CDH8: variants seen among roughly 807,000 people sequenced by gnomAD.
CDH8 encodes the protein cadherin-8.
CDH8 carries 17 observed loss-of-function variants against 68.1 expected under a neutral mutation model. The observed-to-expected ratio is 0.25, with a 90% CI of 0.17 to 0.37. The LOEUF (loss-of-function observed/expected upper bound fraction) is 0.37. Among genes scored for constraint, CDH8 ranks in the 10% least tolerant of loss-of-function variants. The pLI, the probability that CDH8 is intolerant of heterozygous loss-of-function variation, is 1.00. For missense variants in CDH8, 763 were observed against 999.3 expected (o/e 0.76, Z 3.19); for synonymous variants, 372 against 365.1 (o/e 1.02, Z -0.21).
At chr16:61,764,049 A>C (rs769184774) in intron 8 of CDH8, among the ~76,000 whole-genome samples, 1 of 152,186 alleles carries the variant, frequency 6.6e-6, no homozygotes, top group Non-Finnish European at 1.5e-5. Context: ...TAATATGTCT[A>C]CTAAAATTAC....
At chr16:61,754,910 A>C (rs1051971530) in intron 8 of CDH8, among the ~76,000 whole-genome samples, 7 of 152,066 alleles carry the variant, frequency 4.6e-5, no homozygotes, top group Non-Finnish European at 1.0e-4. Flanking sequence ...GTTTTTCAGC[A>C]CTGGCCCCCT....
intron 2 of CDH8, among the ~76,000 whole-genome samples, chr16:61,960,345 AC>A (rs1965124723): frequency 1.2e-5 from 1 of 83,670 alleles, no homozygotes; most frequent in Non-Finnish European, 2.2e-5. Flanking sequence ...ACACATATAT[AC>A]ATGTGTGTGT....
At chr16:61,674,419 A>C (rs1596854133) in intron 10 of CDH8, among the ~76,000 whole-genome samples, 1 of 149,234 alleles carries the variant, frequency 6.7e-6, no homozygotes, top group African/African-American at 2.5e-5. Flanking sequence ...GTGCCACTGC[A>C]CTCCAGCCGA....
chr16:61,954,769 AC>A (rs1567543089), intron 2 of CDH8, among the ~76,000 whole-genome samples: 1 of 152,118 alleles, frequency 6.6e-6, no homozygotes, highest in Non-Finnish European at 1.5e-5. Context: ...AAACAAAAAT[AC>A]TTTTAAAAAC....
At chr16:61,966,542 A>G (rs990081031) in intron 2 of CDH8, among the ~76,000 whole-genome samples, 2 of 148,902 alleles carry the variant, frequency 1.3e-5, no homozygotes, top group African/African-American at 4.9e-5. Context: ...ATCTCAAAAT[A>G]AAAAAAAAAG....
chr16:61,736,148 G>A (rs1959678985), intron 8 of CDH8, among the ~76,000 whole-genome samples: 1 of 148,722 alleles, frequency 6.7e-6, no homozygotes. Context: ...AGGAAGGAAG[G>A]AAGGAAGGAA....
intron 4 of CDH8, among the ~76,000 whole-genome samples, chr16:61,828,567 CT>C (rs972720236): frequency 1.4e-4 from 21 of 151,776 alleles, no homozygotes; most frequent in African/African-American, 5.1e-4. Flanking sequence ...CCTGGTTCAT[CT>C]GTCAATTTTT....
chr16:61,953,549 A>G (rs1382279865), intron 2 of CDH8, among the ~76,000 whole-genome samples: 1 of 151,212 alleles, frequency 6.6e-6, no homozygotes, highest in Non-Finnish European at 1.5e-5. Flanking sequence ...TCTGAGTATG[A>G]GACCAATTTT....
At chr16:61,945,684 G>T (rs569589824) in intron 2 of CDH8, among the ~76,000 whole-genome samples, 1 of 152,114 alleles carries the variant, frequency 6.6e-6, no homozygotes, top group African/African-American at 2.4e-5. Flanking sequence ...ATCAGCAAAG[G>T]CTGAGGGATT....
intron 7 of CDH8, among the ~76,000 whole-genome samples, chr16:61,794,587 C>A (rs1390317628): frequency 6.6e-6 from 1 of 151,954 alleles, no homozygotes; most frequent in Admixed American, 6.6e-5. Context: ...GGTAGTTTTC[C>A]TTTCACTGTT....
At chr16:61,985,893 A>G (rs942597172) in intron 2 of CDH8, among the ~76,000 whole-genome samples, 1 of 143,056 alleles carries the variant, frequency 7.0e-6, no homozygotes, top group African/African-American at 2.6e-5. Flanking sequence ...CATACATAAT[A>G]TCTGTATTTC....
At chr16:61,810,680 G>T (rs1249869245) in intron 7 of CDH8, among the ~76,000 whole-genome samples, 1 of 152,074 alleles carries the variant, frequency 6.6e-6, no homozygotes, top group African/African-American at 2.4e-5. Context: ...TGACCTTAAA[G>T]CTCTACAGTT....
At chr16:61,696,569 A>G (rs1451802712) in intron 10 of CDH8, among the ~76,000 whole-genome samples, 1 of 152,184 alleles carries the variant, frequency 6.6e-6, no homozygotes, top group Non-Finnish European at 1.5e-5. Flanking sequence ...AAATAATTTA[A>G]AACAGAACTA....
intron 2 of CDH8, among the ~76,000 whole-genome samples, chr16:61,943,485 A>C (rs748122265): frequency 2.0e-5 from 3 of 152,348 alleles, no homozygotes; most frequent in Middle Eastern, 3.4e-3. Context: ...AGGTGTTTGC[A>C]GATCAATTTC....
intron 4 of CDH8, among the ~76,000 whole-genome samples, chr16:61,855,755 G>A (rs1339848807): frequency 6.6e-6 from 1 of 151,996 alleles, no homozygotes; most frequent in African/African-American, 2.4e-5. Flanking sequence ...CATTAGTATC[G>A]AAATAAAAAA....
chr16:62,006,944 G>C, intron 2 of CDH8, among the ~76,000 whole-genome samples: 1 of 145,968 alleles, frequency 6.9e-6, no homozygotes, highest in Non-Finnish European at 1.5e-5. Flanking sequence ...GTCTCACTCT[G>C]TCGCCCAGGC....
chr16:61,739,677 G>A (rs1292399018), intron 8 of CDH8, among the ~76,000 whole-genome samples: 1 of 146,732 alleles, frequency 6.8e-6, no homozygotes, highest in Non-Finnish European at 1.5e-5. Flanking sequence ...GAGTCCAAAC[G>A]AAATCATGCC....
chr16:61,972,571 G>GGGTGTGTGTGTGTGTGT lies in CDH8; in HGVS notation c.252+48580_252+48581insACACACACACACACACC, dbSNP rs369833002. 1.8e-3 allele frequency among the ~76,000 whole-genome samples: 242 copies of GGGTGTGTGTGTGTGTGT among 131,544 alleles called. 2 individuals are homozygous for GGGTGTGTGTGTGTGTGT. Among genetic ancestry groups the GGGTGTGTGTGTGTGTGT allele is most frequent in the African/African-American group, 5.8e-3 (210 of 36,198 alleles). The allele number at this position is 131,544 out of a possible 152,430, so 86.3% of individuals were successfully genotyped here. On this transcript the variant is annotated intron_variant, in intron 2 of 11. Transcript: ENST00000577390. ...TTTTTTTTTCTGGGAACACATTGTGGGTGTGTGTGTGTGTGTGTGTGTGTG... is the reference window on the plus strand; with the variant it reads ...TTTTTTTTTCTGGGAACACATTGTGGGGTGTGTGTGTGTGTGTGTGTGTGTGTGTGTGTGTGTGTGTG...
At chr16:61,726,012 G>T (rs765824399) in intron 9 of CDH8, 18 of 150,624 alleles carry the variant, frequency 1.2e-4, no homozygotes, top group Non-Finnish European at 2.2e-4. Context: ...TTATAGGAGG[G>T]TAACAAATTG....
Sources: gnomAD v4.1 joint callset for allele counts (sites outside exome capture counted in the v4.1 genomes callset) on GRCh38, gnomAD v4.1.1 for gene constraint, MANE v1.5 for transcripts, NCBI Gene and HGNC (gene_info 2026-07-23, HGNC 2026-07-21) for gene names.